HEXIM1: variants seen among roughly 807,000 people sequenced by gnomAD.
The protein encoded by HEXIM1 is HEXIM P-TEFb complex subunit 1, also known as protein HEXIM1.
In HEXIM1, 1 loss-of-function variant was observed where a neutral mutation model predicts 30.3. The observed-to-expected ratio is 0.03, with a 90% CI of 0.01 to 0.16. The LOEUF is 0.16. Among genes scored for constraint, HEXIM1 ranks in the 10% least tolerant of loss-of-function variants. The pLI, the probability that HEXIM1 is intolerant of heterozygous loss-of-function variation, is 1.00. For synonymous variants in HEXIM1, 245 were observed against 208.3 expected (o/e 1.18, Z -1.52); for missense variants, 391 against 476.4 (o/e 0.82, Z 1.67).
chr17:45,149,432 A>T lies in HEXIM1; in HGVS notation c.242A>T (p.Glu81Val). Residue 81 changes from glutamate to valine, a missense_variant, in exon 1 of 1, where the codon GAA (glutamate) becomes GTA (valine). Glu to Val is a moderately radical substitution (Grantham distance 121). This residue lies in a region of HEXIM1 where 230 missense variants were observed against 199.4 expected (regional missense o/e 1.15). Coordinates refer to ENST00000332499, the MANE Select transcript of HEXIM1 (RefSeq NM_006460.3). This position sits in a 1 kb window ranked among gnomAD's most constrained non-coding sequence, Gnocchi z 5.3. Reference protein sequence around the residue: ...PPPLQTQACPESSCLREGEKG... With the variant: ...PPPLQTQACPVSSCLREGEKG... ...CCCTTGCAGACCCAGGCCTGTCCAG[A>T]ATCTAGCTGCCTGAGAGAGGGCGAG... 6.2e-7 allele frequency: 1 copy of T among 1,613,158 alleles called. No individual in the cohort carries two copies. The highest frequency in any genetic ancestry group is 8.5e-7 in the Non-Finnish European group (1 of 1,179,896).
Position 45,150,343 on chromosome 17 carries a change from T to C in HEXIM1, c.*73T>C. On this transcript the variant is annotated 3_prime_UTR_variant, in exon 1 of 1. Coordinates refer to ENST00000332499, the MANE Select transcript of HEXIM1 (RefSeq NM_006460.3). ...TGGAATGTAACATTATATACATGTG[T>C]ATATAAGACAGTGGACCTTTTTATG... 1.3e-5 allele frequency: 20 copies of C among 1,510,206 alleles called. No homozygotes were observed. Among genetic ancestry groups the C allele is most frequent in the Non-Finnish European group, 1.8e-5 (20 of 1,119,758 alleles). 93.6% of individuals were successfully genotyped at this position (1,510,206 alleles called of 1,614,324 possible).
rs763147326 is a variant in HEXIM1, at chr17:45,149,862, G to C, written c.672G>C (p.Leu224=). Residue 224 remains leucine (L), a synonymous_variant, in exon 1 of 1, where the codon CTG becomes CTC. Coordinates refer to ENST00000332499, the MANE Select transcript of HEXIM1 (RefSeq NM_006460.3). The surrounding 1 kb of genome is among the most constrained non-coding windows in gnomAD (Gnocchi z 5.3). ...AGGAGCCGGATCTCAAAACCGGCCT[G>C]TACTCCAAGCGGGCCGCCGCCAAAT... ...DQEEPDLKTG[L]YSKRAAAKSD... 1.9e-6 allele frequency: 3 copies of C among 1,613,574 alleles called. No homozygotes were observed. The highest frequency in any genetic ancestry group is 2.2e-5 in the East Asian group (1 of 44,878).
Position 45,148,741 on chromosome 17 carries a change from T to G in HEXIM1, c.-450T>G. 1 of 402,384 alleles carries G rather than the reference T, an allele frequency of 2.5e-6. No individual in the cohort carries two copies. Among genetic ancestry groups the G allele is most frequent in the South Asian group, 1.1e-4 (1 of 8,758 alleles). The allele number at this position is 402,384 out of a possible 1,614,324, so 24.9% of individuals were successfully genotyped here. On this transcript the variant is annotated 5_prime_UTR_variant, in exon 1 of 1. Transcript: ENST00000332499. ...AGGTGGCGCCGGGACTTTAACCCCTTGTGGGCTCTGCGGCAGGGGATTTAA... is the reference window on the plus strand; with the variant it reads ...AGGTGGCGCCGGGACTTTAACCCCTGGTGGGCTCTGCGGCAGGGGATTTAA...
chr17:45,150,310 T>C lies in HEXIM1; in HGVS notation c.*40T>C. On this transcript the variant is annotated 3_prime_UTR_variant, in exon 1 of 1. Coordinates refer to ENST00000332499, the MANE Select transcript of HEXIM1 (RefSeq NM_006460.3). ...GGGGGAGGGGGCAAAGGGGACTTTT[T>C]ACAGTGATGGAATGTAACATTATAT... is the stretch of plus-strand genomic sequence containing the variant. The C allele has an allele frequency of 8.8e-6, 14 of 1,591,466 alleles. No individual in the cohort carries two copies. Among genetic ancestry groups the C allele is most frequent in the Non-Finnish European group, 1.1e-5 (13 of 1,166,988 alleles).
Position 45,149,055 on chromosome 17 carries a change from A to C in HEXIM1, c.-136A>C. 1.6e-5 allele frequency: 13 copies of C among 831,976 alleles called. No individual in the cohort carries two copies. Among genetic ancestry groups the C allele is most frequent in the Non-Finnish European group, 2.4e-5 (13 of 541,756 alleles). 51.5% of individuals were successfully genotyped at this position (831,976 alleles called of 1,614,324 possible). ...GATAGAAGGACTAGCTAAAGGCGTC[A>C]CTGCAGGAATTACAAACTGAAGAGG... On this transcript the variant is annotated 5_prime_UTR_variant, in exon 1 of 1. Transcript: ENST00000332499. The surrounding 1 kb of genome is among the most constrained non-coding windows in gnomAD (Gnocchi z 5.3).
Position 45,149,607 on chromosome 17 carries a change from G to A in HEXIM1, c.417G>A (p.Glu139=). ...GGGCTCCTGCCGCAGGGGGCGAAGA[G>A]GAGTGGGGACAGCAGCAGAGACAGC... The part of the protein sequence containing the change: ...KLGAPAAGGE[E]EWGQQQRQLG... Residue 139 remains glutamate (E), a synonymous_variant, in exon 1 of 1, where the codon GAG becomes GAA. Transcript: ENST00000332499. The surrounding 1 kb of genome is among the most constrained non-coding windows in gnomAD (Gnocchi z 5.3). 1 of 1,612,724 alleles carries A rather than the reference G, an allele frequency of 6.2e-7. No individual in the cohort carries two copies. The highest frequency in any genetic ancestry group is 8.5e-7 in the Non-Finnish European group (1 of 1,179,604).
At position 45,149,645 on chromosome 17, in the gene HEXIM1, AAC is replaced by A; in HGVS notation, c.457_458del (p.His153Ter). The A allele has an allele frequency of 6.2e-7, 1 of 1,612,796 alleles. No homozygotes were observed. Among genetic ancestry groups the A allele is most frequent in the Non-Finnish European group, 8.5e-7 (1 of 1,179,926 alleles). On this transcript the variant is annotated frameshift_variant, in exon 1 of 1. Transcript: ENST00000332499. LOFTEE classifies it high-confidence loss of function. The surrounding 1 kb of genome is among the most constrained non-coding windows in gnomAD (Gnocchi z 5.3). ...CAGCAGAGACAGCTGGGGAAGAAAA[AAC>A]ATAGGAGACGCCCGTCCAAGAAGAA...
In HEXIM1 at chr17:45,149,102, T is replaced by TTC. The variant is rs2055525912; in HGVS notation, c.-88_-87insCT. 5 of 1,282,762 alleles carry TTC rather than the reference T, an allele frequency of 3.9e-6. No homozygotes were observed. The African/African-American group carries it at 5.2e-5, about 13-fold the overall frequency. The allele number at this position is 1,282,762 out of a possible 1,614,324, so 79.5% of individuals were successfully genotyped here. A position where few individuals can be genotyped will look rare whatever the true frequency, so the allele number is the denominator to read the frequency against. On this transcript the variant is annotated 5_prime_UTR_variant, in exon 1 of 1. Coordinates refer to ENST00000332499, the MANE Select transcript of HEXIM1 (RefSeq NM_006460.3). The surrounding 1 kb of genome is among the most constrained non-coding windows in gnomAD (Gnocchi z 5.3). ...GAGGACTCTGTTGGACTGTTTTTTT[T>TTC]TTCTTTTTCTTTTTTTTAAGAAAAA...
At position 45,149,405 on chromosome 17, in the gene HEXIM1, C is replaced by T. The variant is rs967415341; in HGVS notation, c.215C>T (p.Pro72Leu). 5 of 1,613,222 alleles carry T rather than the reference C, an allele frequency of 3.1e-6. No individual in the cohort carries two copies. The highest frequency in any genetic ancestry group is 3.3e-5 in the Admixed American group (2 of 60,010). The change falls in exon 1 of 1, where the codon CCT becomes CTT. Residue 72 changes from proline (P) to leucine (L), a missense_variant. By Grantham distance (98) the Pro-to-Leu change is moderately conservative (BLOSUM62 -3). Around this residue, in one of 5 missense-constraint regions of HEXIM1, gnomAD observed 230 missense variants for 199.4 expected, o/e 1.15. Coordinates refer to ENST00000332499, the MANE Select transcript of HEXIM1 (RefSeq NM_006460.3). This position sits in a 1 kb window ranked among gnomAD's most constrained non-coding sequence, Gnocchi z 5.3. ...GAAGGGAGCCTGGAATCCCAACCAC[C>T]TCCCTTGCAGACCCAGGCCTGTCCA... ...EGEGSLESQP[P>L]PLQTQACPES...
At position 45,149,096 on chromosome 17, in the gene HEXIM1, T is replaced by G; in HGVS notation, c.-95T>G. ...ACTGAAGAGGACTCTGTTGGACTGT[T>G]TTTTTTTTCTTTTTCTTTTTTTTAA... is the stretch of plus-strand genomic sequence containing the variant. On this transcript the variant is annotated 5_prime_UTR_variant, in exon 1 of 1. Coordinates refer to ENST00000332499, the MANE Select transcript of HEXIM1 (RefSeq NM_006460.3). The surrounding 1 kb of genome is among the most constrained non-coding windows in gnomAD (Gnocchi z 5.3). The G allele has an allele frequency of 2.4e-6, 3 of 1,259,204 alleles. No homozygotes were observed. The highest frequency in any genetic ancestry group is 3.2e-6 in the Non-Finnish European group (3 of 930,638). 78.0% of individuals were successfully genotyped at this position (1,259,204 alleles called of 1,614,324 possible).
chr17:45,151,783 A>G lies in HEXIM1; in HGVS notation c.*1513A>G, dbSNP rs894323774. Reference sequence around the variant, plus strand: ...TCTGGGGAGAAGGTTCAAGAGATTCATAAGATTGTCAAACTCCTTGAAGGT... The same window carrying G: ...TCTGGGGAGAAGGTTCAAGAGATTCGTAAGATTGTCAAACTCCTTGAAGGT... On this transcript the variant is annotated 3_prime_UTR_variant, in exon 1 of 1. Coordinates refer to ENST00000332499, the MANE Select transcript of HEXIM1 (RefSeq NM_006460.3). 1 of 167,120 alleles carries G rather than the reference A, an allele frequency of 6.0e-6. No homozygotes were observed. The allele number at this position is 167,120 out of a possible 1,614,324, so 10.4% of individuals were successfully genotyped here. A position where few individuals can be genotyped will look rare whatever the true frequency, so the allele number is the denominator to read the frequency against.
rs563343739 is a variant in HEXIM1 at position 45,150,343 on chromosome 17, T to A, written c.*73T>A. 1 of 1,510,206 alleles carries A rather than the reference T, an allele frequency of 6.6e-7. No individual in the cohort carries two copies. Among genetic ancestry groups the A allele is most frequent in the African/African-American group, 1.4e-5 (1 of 71,850 alleles). The allele number at this position is 1,510,206 out of a possible 1,614,324, so 93.6% of individuals were successfully genotyped here. A position where few individuals can be genotyped will look rare whatever the true frequency, so the allele number is the denominator to read the frequency against. The stretch of plus-strand genomic sequence containing the variant: ...TGGAATGTAACATTATATACATGTG[T>A]ATATAAGACAGTGGACCTTTTTATG... On this transcript the variant is annotated 3_prime_UTR_variant, in exon 1 of 1. Transcript: ENST00000332499.
rs2055544902 is a variant in HEXIM1, at chr17:45,151,065, C to A, written c.*795C>A. On this transcript the variant is annotated 3_prime_UTR_variant, in exon 1 of 1. Coordinates refer to ENST00000332499, the MANE Select transcript of HEXIM1 (RefSeq NM_006460.3). ...TAATTTGGCAGTTTGTTAGGTTAGA[C>A]AACTGACAGCCTCATTTCATTCCTA... 1 of 166,940 alleles carries A rather than the reference C, an allele frequency of 6.0e-6. No homozygotes were observed. Among genetic ancestry groups the A allele is most frequent in the African/African-American group, 2.4e-5 (1 of 41,426 alleles). 10.3% of individuals were successfully genotyped at this position (166,940 alleles called of 1,614,324 possible). A position where few individuals can be genotyped will look rare whatever the true frequency, so the allele number is the denominator to read the frequency against.
chr17:45,149,071 A>G lies in HEXIM1; in HGVS notation c.-120A>G. ...AAAGGCGTCACTGCAGGAATTACAAACTGAAGAGGACTCTGTTGGACTGTT... is the reference window on the plus strand; with the variant it reads ...AAAGGCGTCACTGCAGGAATTACAAGCTGAAGAGGACTCTGTTGGACTGTT... On this transcript the variant is annotated 5_prime_UTR_variant, in exon 1 of 1. Transcript: ENST00000332499. The surrounding 1 kb of genome is among the most constrained non-coding windows in gnomAD (Gnocchi z 5.3). The G allele has an allele frequency of 9.6e-7, 1 of 1,043,542 alleles. No individual in the cohort carries two copies. Among genetic ancestry groups the G allele is most frequent in the South Asian group, 1.6e-5 (1 of 61,336 alleles). The allele number at this position is 1,043,542 out of a possible 1,614,324, so 64.6% of individuals were successfully genotyped here.
rs1003348286 is a variant in HEXIM1 at position 45,148,731 on chromosome 17, T to C, written c.-460T>C. 6 of 401,424 alleles carry C rather than the reference T, an allele frequency of 1.5e-5. No individual in the cohort carries two copies. Among genetic ancestry groups the C allele is most frequent in the Non-Finnish European group, 2.6e-5 (6 of 227,624 alleles). The allele number at this position is 401,424 out of a possible 1,614,324, so 24.9% of individuals were successfully genotyped here. On this transcript the variant is annotated 5_prime_UTR_variant, in exon 1 of 1. Coordinates refer to ENST00000332499, the MANE Select transcript of HEXIM1 (RefSeq NM_006460.3). ...AAGTGGGAGGAGGTGGCGCCGGGAC[T>C]TTAACCCCTTGTGGGCTCTGCGGCA...
chr17:45,149,859 C>T lies in HEXIM1; in HGVS notation c.669C>T (p.Gly223=), dbSNP rs775423795. 8.1e-6 allele frequency: 13 copies of T among 1,613,638 alleles called. 1 individual carries two copies. In the South Asian group the frequency reaches 1.4e-4, roughly 18 times the overall value. Reference sequence around the variant, plus strand: ...AGGAGGAGCCGGATCTCAAAACCGGCCTGTACTCCAAGCGGGCCGCCGCCA... The same window carrying T: ...AGGAGGAGCCGGATCTCAAAACCGGTCTGTACTCCAAGCGGGCCGCCGCCA... ...HDQEEPDLKT[G]LYSKRAAAKS... Residue 223 remains glycine (G), a synonymous_variant, in exon 1 of 1, where the codon GGC becomes GGT. Transcript: ENST00000332499. This position sits in a 1 kb window ranked among gnomAD's most constrained non-coding sequence, Gnocchi z 5.3.
chr17:45,149,916 GGAA>G lies in HEXIM1; in HGVS notation c.731_733del (p.Glu244del). ...ACGACACCAGCGATGACGACTTCAT[GGAA>G]GAAGGGGGTGAGGAGGATGGGGGCA... On this transcript the variant is annotated inframe_deletion, in exon 1 of 1. Coordinates refer to ENST00000332499, the MANE Select transcript of HEXIM1 (RefSeq NM_006460.3). This position sits in a 1 kb window ranked among gnomAD's most constrained non-coding sequence, Gnocchi z 5.3. The G allele has an allele frequency of 3.7e-6, 6 of 1,613,828 alleles. No homozygotes were observed. The highest frequency in any genetic ancestry group is 5.1e-6 in the Non-Finnish European group (6 of 1,180,008).
chr17:45,148,583 A>C lies in HEXIM1; in HGVS notation c.-608A>C, dbSNP rs946244695. 31 of 399,226 alleles carry C rather than the reference A, an allele frequency of 7.8e-5. No individual in the cohort carries two copies. The highest frequency in any genetic ancestry group is 1.3e-4 in the South Asian group (1 of 7,990). The allele number at this position is 399,226 out of a possible 1,614,324, so 24.7% of individuals were successfully genotyped here. ...AGGAGGGAGGGAGGAAAAGAGGAGG[A>C]GGCGGAGGAGAACTGAGCAGAGCAG... On this transcript the variant is annotated 5_prime_UTR_variant, in exon 1 of 1. Transcript: ENST00000332499.
rs770412496 is a variant in HEXIM1, at chr17:45,149,363, G to A, written c.173G>A (p.Arg58His). The A allele has an allele frequency of 7.4e-6, 12 of 1,613,456 alleles. No individual in the cohort carries two copies. The highest frequency in any genetic ancestry group is 2.7e-5 in the African/African-American group (2 of 75,058). The change falls in exon 1 of 1, where the codon CGT (arginine) becomes CAT (histidine). Residue 58 changes from arginine to histidine, a missense_variant. By Grantham distance (29) the Arg-to-His change is conservative. This residue lies in a region of HEXIM1 where 230 missense variants were observed against 199.4 expected (regional missense o/e 1.15). Transcript: ENST00000332499. The surrounding 1 kb of genome is among the most constrained non-coding windows in gnomAD (Gnocchi z 5.3). Reference protein sequence around the residue: ...QSRAFPQLGGRPGPEGEGSLE... With the variant: ...QSRAFPQLGGHPGPEGEGSLE... ...AGAGCGTTCCCCCAGTTGGGTGGCCGTCCGGGGCCGGAGGGGGAAGGGAGC... is the reference window on the plus strand; with the variant it reads ...AGAGCGTTCCCCCAGTTGGGTGGCCATCCGGGGCCGGAGGGGGAAGGGAGC...
Sources: allele counts gnomAD v4.1 joint callset, GRCh38; gene constraint gnomAD v4.1.1; regional missense constraint gnomAD v4.1.1; non-coding constraint Gnocchi (gnomAD v3.1); transcripts MANE v1.5; gene names NCBI Gene and HGNC (gene_info 2026-07-23, HGNC 2026-07-21).